Variants in LIAS observed in about 807,000 individuals in gnomAD.
LIAS encodes lipoic acid synthetase.
In LIAS, 36 loss-of-function variants were observed where a neutral mutation model predicts 49.4. The ratio of observed to expected loss-of-function variants is 0.73; its 90% CI spans 0.56 to 0.96. The LOEUF is 0.96. Among genes scored for constraint, LIAS ranks in the 40% least tolerant of loss-of-function variants. LIAS has a pLI of 0.00. For synonymous variants in LIAS, 145 were observed against 155.8 expected (o/e 0.93, Z 0.52); for missense variants, 399 against 456.3 (o/e 0.87, Z 1.14).
intron 2 of LIAS, among the ~76,000 whole-genome samples, chr4:39,461,166 T>A (rs1744481432): frequency 6.6e-6 from 1 of 152,210 alleles, no homozygotes; most frequent in South Asian, 2.1e-4. Flanking sequence ...TTGCCCTTAC[T>A]ATGTTACACT....
rs779690207 is a variant in LIAS, at chr4:39,459,108, T to C, written c.-10T>C. The C allele has an allele frequency of 1.2e-6, 2 of 1,614,074 alleles. No homozygotes were observed. Among genetic ancestry groups the C allele is most frequent in the East Asian group, 2.2e-5 (1 of 44,872 alleles). ...CTCAACCCCTGCACTGCGCTAGTCC[T>C]AAAGAGGAAATGTCTCTACGCTGCG... On this transcript the variant is annotated 5_prime_UTR_variant, in exon 1 of 11. Transcript: ENST00000640888.
intron 7 of LIAS, 50 bp from the exon 8 acceptor site, chr4:39,469,969 A>G: frequency 6.4e-7 from 1 of 1,568,050 alleles, no homozygotes. Context: ...ATAACTATGT[A>G]CTTGGTTGAA....
intron 10 of LIAS, among the ~76,000 whole-genome samples, chr4:39,474,166 GGCA>G (rs1745095942): frequency 6.6e-6 from 1 of 151,710 alleles, no homozygotes; most frequent in Non-Finnish European, 1.5e-5. Context: ...GGGAGGCTGA[GGCA>G]GCAGAATGGC....
rs1744291306 is a variant in LIAS at position 39,459,125 on chromosome 4, T to A, written c.8T>A (p.Leu3Gln). Residue 3 changes from leucine (L) to glutamine (Q), a missense_variant, in exon 1 of 11, where the codon CTA becomes CAA. By Grantham distance (113) the Leu-to-Gln change is moderately radical (BLOSUM62 -2). This residue lies in a region of LIAS where 159 missense variants were observed against 147.6 expected (regional missense o/e 1.08). Coordinates refer to ENST00000640888, the MANE Select transcript of LIAS (RefSeq NM_006859.4). ...GCTAGTCCTAAAGAGGAAATGTCTCTACGCTGCGGGGATGCAGCCCGCACC... is the reference window on the plus strand; with the variant it reads ...GCTAGTCCTAAAGAGGAAATGTCTCAACGCTGCGGGGATGCAGCCCGCACC... The part of the protein sequence containing the change: MS[L>Q]RCGDAARTLG... The A allele has an allele frequency of 6.2e-7, 1 of 1,614,022 alleles. No individual in the cohort carries two copies. The highest frequency in any genetic ancestry group is 8.5e-7 in the Non-Finnish European group (1 of 1,179,958).
intron 1 of LIAS, 27 bp downstream of exon 1, chr4:39,459,189 G>A: frequency 6.2e-7 from 1 of 1,607,074 alleles, no homozygotes; most frequent in Non-Finnish European, 8.5e-7. Flanking sequence ...ACGGGTTTGG[G>A]CGTGGGGTGG....
intron 6 of LIAS, chr4:39,466,904 C>G (rs566618284): frequency 2.0e-5 from 3 of 152,020 alleles, no homozygotes; most frequent in South Asian, 4.2e-4. Context: ...GCTCTGTGAC[C>G]CAGTTCACAT....
chr4:39,471,932 G>A (rs1659437847), intron 9 of LIAS, among the ~76,000 whole-genome samples: 1 of 151,956 alleles, frequency 6.6e-6, no homozygotes, highest in African/African-American at 2.4e-5. Context: ...CCAAAGTGCT[G>A]GGATTACAGG....
At position 39,473,194 on chromosome 4, in the gene LIAS, G is replaced by A. The variant is rs779790258; in HGVS notation, c.1049G>A (p.Arg350His). The change falls in exon 10 of 11, where the codon CGT (arginine) becomes CAT (histidine). Residue 350 changes from arginine to histidine, a missense_variant. By Grantham distance (29) the Arg-to-His change is conservative. Coordinates refer to ENST00000640888, the MANE Select transcript of LIAS (RefSeq NM_006859.4). ...TATACTGCAAGTGGCCCTTTGGTGC[G>A]TTCTTCATATAAAGCAGGTAAGTTA... ...FHYTASGPLVRSSYKAGEFFL... is the reference protein window; with the variant it reads ...FHYTASGPLVHSSYKAGEFFL... 9.3e-6 allele frequency: 15 copies of A among 1,608,230 alleles called. No individual in the cohort carries two copies. Among genetic ancestry groups the A allele is most frequent in the Middle Eastern group, 3.3e-4 (2 of 6,072 alleles).
chr4:39,473,875 C>T (rs966942394), intron 10 of LIAS: 5 of 152,020 alleles, frequency 3.3e-5, no homozygotes, highest in African/African-American at 4.8e-5. Flanking sequence ...TAATGATTGT[C>T]GGAGGATCCA....
chr4:39,468,110 C>T (rs1744827995), intron 7 of LIAS: 1 of 152,044 alleles, frequency 6.6e-6, no homozygotes, highest in Non-Finnish European at 1.5e-5. Context: ...CCCCTCCCCA[C>T]AAATAAAGTT....
intron 2 of LIAS, among the ~76,000 whole-genome samples, chr4:39,461,697 TTTTG>T (rs769781118): frequency 8.5e-5 from 13 of 152,230 alleles, no homozygotes; most frequent in South Asian, 6.2e-4. Context: ...GGTGTTTTCT[TTTTG>T]TTTGTTTGTT....
At chr4:39,471,396 C>A in intron 9 of LIAS, 90 bp downstream of exon 9, 1 of 932,570 alleles carries the variant, frequency 1.1e-6, no homozygotes, top group Non-Finnish European at 1.6e-6. Context: ...TGTAGTGGCA[C>A]AATCTCGGCT....
Position 39,467,652 on chromosome 4 carries a change from T to C in LIAS, c.737+6T>C. 1.3e-6 allele frequency: 2 copies of C among 1,556,944 alleles called. No individual in the cohort carries two copies. Among genetic ancestry groups the C allele is most frequent in the Non-Finnish European group, 1.7e-6 (2 of 1,148,142 alleles). ...ACAGTCCCGGAATTACAGAGGTGAA[T>C]ACGTGTACAAAGTAATGTTGGGAAG... On this transcript the variant is annotated splice_donor_region_variant and intron_variant, in intron 7 of 10. Coordinates refer to ENST00000640888, the MANE Select transcript of LIAS (RefSeq NM_006859.4).
intron 9 of LIAS, 37 bp from the exon 10 acceptor site, chr4:39,473,063 T>A (rs750185347): frequency 8.1e-7 from 1 of 1,235,092 alleles, no homozygotes; most frequent in East Asian, 2.3e-5. Flanking sequence ...CAAAGTGGAA[T>A]TCTAAAATCT....
chr4:39,467,712 T>C, intron 7 of LIAS, 66 bp downstream of exon 7: 2 of 1,372,558 alleles, frequency 1.5e-6, no homozygotes, highest in Non-Finnish European at 1.9e-6. Context: ...TATTCTTGCC[T>C]TTTCCAGGGC....
chr4:39,459,125 T>C lies in LIAS; in HGVS notation c.8T>C (p.Leu3Pro). Residue 3 changes from leucine to proline, a missense_variant, in exon 1 of 11, where the codon CTA (leucine) becomes CCA (proline). Coordinates refer to ENST00000640888, the MANE Select transcript of LIAS (RefSeq NM_006859.4). ...GCTAGTCCTAAAGAGGAAATGTCTC[T>C]ACGCTGCGGGGATGCAGCCCGCACC... MS[L>P]RCGDAARTLG... 6.2e-7 allele frequency: 1 copy of C among 1,614,022 alleles called. No homozygotes were observed. Among genetic ancestry groups the C allele is most frequent in the East Asian group, 2.2e-5 (1 of 44,872 alleles).
intron 3 of LIAS, among the ~76,000 whole-genome samples, 161 bp from the exon 4 acceptor site, chr4:39,463,364 A>G (rs1328419694): frequency 6.6e-6 from 1 of 152,234 alleles, no homozygotes; most frequent in African/African-American, 2.4e-5. Context: ...AATTACAGGC[A>G]TGAGCCAGCG....
Position 39,477,123 on chromosome 4 carries a change from A to G in LIAS, c.*8A>G, listed in dbSNP as rs1476896057. On this transcript the variant is annotated 3_prime_UTR_variant, in exon 11 of 11. Coordinates refer to ENST00000640888, the MANE Select transcript of LIAS (RefSeq NM_006859.4). ...AAAACAAAAGACCTCTAAAACTTCA[A>G]CAAGACCTTCAAGATCACAGAAATT... 2.5e-6 allele frequency: 4 copies of G among 1,591,566 alleles called. No individual in the cohort carries two copies. Among genetic ancestry groups the G allele is most frequent in the South Asian group, 1.2e-5 (1 of 86,404 alleles).
chr4:39,462,439 T>C (rs1744554447), intron 3 of LIAS, 150 bp downstream of exon 3: 1 of 296,276 alleles, frequency 3.4e-6, no homozygotes, highest in Non-Finnish European at 6.3e-6. Context: ...GAAATATATT[T>C]AGAATCATTT....
Sources: allele counts gnomAD v4.1 joint callset (sites outside exome capture counted in the v4.1 genomes callset), GRCh38; gene constraint gnomAD v4.1.1; regional missense constraint gnomAD v4.1.1; transcripts MANE v1.5; gene names NCBI Gene and HGNC (gene_info 2026-07-23, HGNC 2026-07-21).